Variants in IGFBP5 observed in about 807,000 individuals in gnomAD.
IGFBP5 encodes insulin like growth factor binding protein 5.
A neutral mutation model predicts 28.0 loss-of-function variants in IGFBP5; 12 were observed. The ratio of observed to expected loss-of-function variants is 0.43; its 90% confidence interval spans 0.27 to 0.69. IGFBP5 has a LOEUF of 0.69. Among genes scored for constraint, IGFBP5 ranks in the 30% least tolerant of loss-of-function variants. The pLI is 0.20. For missense variants in IGFBP5, 344 were observed against 381.6 expected (o/e 0.90, Z 0.82); for synonymous variants, 152 against 150.2 (o/e 1.01, Z -0.09).
In IGFBP5 at chr2:216,690,191, T is replaced by C. The variant is rs533875736; in HGVS notation, c.337+4248A>G. On this transcript the variant is annotated intron_variant, in intron 1 of 3. Coordinates refer to ENST00000233813, the MANE Select transcript of IGFBP5 (RefSeq NM_000599.4). ...ACATGTCCTGATTGCAATTTAAGGA[T>C]AGTCTCTGGGAATTGCAGCTTTTGG... Among the ~76,000 whole-genome samples, 7 of 152,332 alleles carry C rather than the reference T, an allele frequency of 4.6e-5. No homozygotes were observed. The South Asian group carries it at 1.4e-3, about 32-fold the overall frequency.
rs1390843362 is a variant in IGFBP5 at position 216,692,171 on chromosome 2, T to C, written c.337+2268A>G. Among the ~76,000 whole-genome samples the C allele has an allele frequency of 1.3e-5, 2 of 152,014 alleles. No individual in the cohort carries two copies. The highest frequency in any genetic ancestry group is 6.6e-5 in the Admixed American group (1 of 15,262). ...AAGAAGATGTCGGCACCAGCAGCGGTGGAGCGCCGCCAACCCGCAACAGCA... is the reference window on the plus strand; with the variant it reads ...AAGAAGATGTCGGCACCAGCAGCGGCGGAGCGCCGCCAACCCGCAACAGCA... On this transcript the variant is annotated intron_variant, in intron 1 of 3. Coordinates refer to ENST00000233813, the MANE Select transcript of IGFBP5 (RefSeq NM_000599.4). This position sits in a 1 kb window ranked among gnomAD's most constrained non-coding sequence, Gnocchi z 4.2.
intron 1 of IGFBP5, among the ~76,000 whole-genome samples, chr2:216,688,765 T>C (rs983200169): frequency 1.3e-5 from 2 of 152,122 alleles, no homozygotes; most frequent in Admixed American, 6.5e-5. Context: ...ATAACTGAGT[T>C]CGTTTAAAAT....
rs1688942579 is a variant in IGFBP5, at chr2:216,679,276, T to TTCTG, written c.338-201_338-198dup. The TTCTG allele has an allele frequency of 3.5e-5, 22 of 621,228 alleles. No individual in the cohort carries two copies. In the South Asian group the frequency reaches 3.8e-4, roughly 11 times the overall value. The allele number at this position is 621,228 out of a possible 1,614,324, so 38.5% of individuals were successfully genotyped here. Reference sequence around the variant, plus strand: ...AATGCTCATTTAAGTGGCAGGAAGTTTCTGGCATGCTTGGAGTCAAGCAGA... The same window carrying TTCTG: ...AATGCTCATTTAAGTGGCAGGAAGTTTCTGTCTGGCATGCTTGGAGTCAAGCAGA... On this transcript the variant is annotated intron_variant, in intron 1 of 3. Coordinates refer to ENST00000233813, the MANE Select transcript of IGFBP5 (RefSeq NM_000599.4). This position sits in a 1 kb window ranked among gnomAD's most constrained non-coding sequence, Gnocchi z 4.6.
chr2:216,680,624 G>A (rs1417361160), intron 1 of IGFBP5, among the ~76,000 whole-genome samples: 1 of 152,174 alleles, frequency 6.6e-6, no homozygotes, highest in East Asian at 1.9e-4. Flanking sequence ...AATGAAATAG[G>A]TATCTGGTCT....
chr2:216,694,153 AT>A lies in IGFBP5; in HGVS notation c.337+285del, dbSNP rs1215982795. Among the ~76,000 whole-genome samples, 1 of 151,814 alleles carries A rather than the reference AT, an allele frequency of 6.6e-6. No individual in the cohort carries two copies. Among genetic ancestry groups the A allele is most frequent in the East Asian group, 1.9e-4 (1 of 5,178 alleles). ...CAGGGGATTTGGACCTTGTGACCGA[AT>A]AAGAGCTCAGAATCAGTATTCGGAC... On this transcript the variant is annotated intron_variant, in intron 1 of 3. Coordinates refer to ENST00000233813, the MANE Select transcript of IGFBP5 (RefSeq NM_000599.4). The surrounding 1 kb of genome is among the most constrained non-coding windows in gnomAD (Gnocchi z 5.2).
At position 216,692,220 on chromosome 2, in the gene IGFBP5, C is replaced by T. The variant is rs1689107489; in HGVS notation, c.337+2219G>A. On this transcript the variant is annotated intron_variant, in intron 1 of 3. Coordinates refer to ENST00000233813, the MANE Select transcript of IGFBP5 (RefSeq NM_000599.4). The surrounding 1 kb of genome is among the most constrained non-coding windows in gnomAD (Gnocchi z 4.2). ...CAGCCGGCCGGGCACCTGCCTTCGG[C>T]GGGGTGGAGTCGGAGAGGAGTGCTG... Among the ~76,000 whole-genome samples, 1 of 151,964 alleles carries T rather than the reference C, an allele frequency of 6.6e-6. No homozygotes were observed.
intron 1 of IGFBP5, among the ~76,000 whole-genome samples, chr2:216,683,116 C>T (rs1026540860): frequency 2.6e-5 from 4 of 152,064 alleles, no homozygotes; most frequent in South Asian, 2.1e-4. Flanking sequence ...CCCAGGAGTT[C>T]GAGACCAGCC....
intron 1 of IGFBP5, among the ~76,000 whole-genome samples, chr2:216,687,687 A>G (rs1689046751): frequency 6.6e-6 from 1 of 152,152 alleles, no homozygotes; most frequent in Non-Finnish European, 1.5e-5. Flanking sequence ...CATTCCCCAA[A>G]TGAGAAGGTA....
rs11575159 is a variant in IGFBP5 at position 216,685,260 on chromosome 2, A to G, written c.338-6181T>C. On this transcript the variant is annotated intron_variant, in intron 1 of 3. Transcript: ENST00000233813. ...CGTGCCACTACATTCCCCCCTGGGC[A>G]ATAGTGTGACAAAAAAAAAAAAAAA... 6.9e-3 allele frequency among the ~76,000 whole-genome samples: 1,037 copies of G among 150,536 alleles called. 19 individuals are homozygous for G. Among genetic ancestry groups the G allele is most frequent in the Non-Finnish European group, 6.3e-3 (426 of 67,788 alleles).
In IGFBP5 at chr2:216,692,584, C is replaced by G. The variant is rs986007066; in HGVS notation, c.337+1855G>C. 6.6e-6 allele frequency among the ~76,000 whole-genome samples: 1 copy of G among 152,236 alleles called. No individual in the cohort carries two copies. Among genetic ancestry groups the G allele is most frequent in the Admixed American group, 6.5e-5 (1 of 15,292 alleles). On this transcript the variant is annotated intron_variant, in intron 1 of 3. Coordinates refer to ENST00000233813, the MANE Select transcript of IGFBP5 (RefSeq NM_000599.4). The surrounding 1 kb of genome is among the most constrained non-coding windows in gnomAD (Gnocchi z 4.2). ...TTACCCAGGGCGGTGGCTCCCAAGC[C>G]GGGAAATCAATTAATGTTTTCCTTC...
intron 1 of IGFBP5, among the ~76,000 whole-genome samples, chr2:216,682,805 T>C (rs1220568767): frequency 1.3e-5 from 2 of 151,308 alleles, no homozygotes; most frequent in Non-Finnish European, 2.9e-5. Flanking sequence ...GCCTCCTGGG[T>C]TTACGCCATT....
At chr2:216,681,590 C>T (rs912886349) in intron 1 of IGFBP5, among the ~76,000 whole-genome samples, 5 of 152,074 alleles carry the variant, frequency 3.3e-5, no homozygotes, top group South Asian at 2.1e-4. Context: ...AGTCCATCCC[C>T]CTGTGTCCAA....
At chr2:216,676,996 G>T in intron 3 of IGFBP5, 114 bp from the exon 4 acceptor site, 1 of 1,211,290 alleles carries the variant, frequency 8.3e-7, no homozygotes, top group Non-Finnish European at 1.2e-6. Context: ...GAGAGTTGAG[G>T]GCACTAGACC....
intron 3 of IGFBP5, among the ~76,000 whole-genome samples, chr2:216,677,213 ACAGGCGTGAGC>A (rs1325735264): frequency 6.6e-6 from 1 of 151,840 alleles, no homozygotes; most frequent in Non-Finnish European, 1.5e-5. Flanking sequence ...AGCTGGGATT[ACAGGCGTGAGC>A]CACTGTGCCT....
rs1047516241 is a variant in IGFBP5, at chr2:216,694,658, G to A, written c.118C>T (p.Pro40Ser). ...CDEKALSMCP[P>S]SPLGCELVKE... ...ACCAGCTCGCAGCCCAGGGGGCTGG[G>A]GGGGCACATGGAGAGGGCTTTCTCG... The change falls in exon 1 of 4, where the codon CCC becomes TCC. Residue 40 changes from proline (P) to serine (S), a missense_variant. Around this residue, in one of 3 missense-constraint regions of IGFBP5, gnomAD observed 304 missense variants for 329.2 expected, o/e 0.92. Coordinates refer to ENST00000233813, the MANE Select transcript of IGFBP5 (RefSeq NM_000599.4). This position sits in a 1 kb window ranked among gnomAD's most constrained non-coding sequence, Gnocchi z 5.2. 6.5e-7 allele frequency: 1 copy of A among 1,527,212 alleles called. No homozygotes were observed. Among genetic ancestry groups the A allele is most frequent in the Non-Finnish European group, 8.8e-7 (1 of 1,140,478 alleles). The allele number at this position is 1,527,212 out of a possible 1,614,324, so 94.6% of individuals were successfully genotyped here.
At chr2:216,678,285 C>T in intron 2 of IGFBP5, 54 bp from the exon 3 acceptor site, 1 of 1,456,166 alleles carries the variant, frequency 6.9e-7, no homozygotes. Context: ...AACCACCCAG[C>T]TGCGCTGACG....
At chr2:216,682,889 T>C (rs952225554) in intron 1 of IGFBP5, among the ~76,000 whole-genome samples, 1 of 151,844 alleles carries the variant, frequency 6.6e-6, no homozygotes, top group Non-Finnish European at 1.5e-5. Flanking sequence ...TTTGTATTTT[T>C]AGTAGAGATG....
At chr2:216,689,058 C>T (rs947958830) in intron 1 of IGFBP5, among the ~76,000 whole-genome samples, 1 of 152,208 alleles carries the variant, frequency 6.6e-6, no homozygotes, top group African/African-American at 2.4e-5. Context: ...GGTTTTCCTT[C>T]TCTCCTTCGG....
chr2:216,687,701 G>T (rs1401326034), intron 1 of IGFBP5, among the ~76,000 whole-genome samples: 1 of 152,172 alleles, frequency 6.6e-6, no homozygotes, highest in Non-Finnish European at 1.5e-5. Context: ...GAAGGTAATG[G>T]TGGGGGGATA....
Sources: allele counts gnomAD v4.1 joint callset (sites outside exome capture counted in the v4.1 genomes callset), GRCh38; gene constraint gnomAD v4.1.1; regional missense constraint gnomAD v4.1.1; non-coding constraint Gnocchi (gnomAD v3.1); transcripts MANE v1.5; gene names NCBI Gene and HGNC (gene_info 2026-07-23, HGNC 2026-07-21).